ZNF143: variants seen among roughly 807,000 people sequenced by gnomAD.
ZNF143 encodes the protein SPH-binding factor.
In ZNF143, 49 loss-of-function variants were observed where a neutral mutation model predicts 74.1. The ratio of observed to expected loss-of-function variants is 0.66; its 90% CI spans 0.53 to 0.84. The LOEUF (loss-of-function observed/expected upper bound fraction) is 0.84, where lower values mean the gene tolerates loss of function less well. Ranked by LOEUF, ZNF143 falls within the 40% of genes least tolerant of loss-of-function variation. The probability of loss-of-function intolerance (pLI) is 0.00; values close to 1 mark genes in which losing one functional copy is unlikely to be tolerated. For missense variants in ZNF143, 637 were observed against 793.4 expected (o/e 0.80, Z 2.37); for synonymous variants, 304 against 282.8 (o/e 1.07, Z -0.75).
At chr11:9,484,016 G>A (rs1847356885) in intron 7 of ZNF143, among the ~76,000 whole-genome samples, 1 of 151,476 alleles carries the variant, frequency 6.6e-6, no homozygotes, top group South Asian at 2.1e-4. Context: ...CCAAAGTGCT[G>A]GGATTACAGG....
At position 9,470,663 on chromosome 11, in the gene ZNF143, A is replaced by G. The variant is rs570778687; in HGVS notation, c.-7-639A>G. Reference sequence around the variant, plus strand: ...GGTGAGTAGTAGGAAATGAGGGGCAAGATCATTGGCCTCATTGATCAGTGT... The same window carrying G: ...GGTGAGTAGTAGGAAATGAGGGGCAGGATCATTGGCCTCATTGATCAGTGT... On this transcript the variant is annotated intron_variant, in intron 1 of 15. Coordinates refer to ENST00000396602, the MANE Select transcript of ZNF143 (RefSeq NM_003442.6). 4.6e-4 allele frequency among the ~76,000 whole-genome samples: 70 copies of G among 152,324 alleles called. 1 individual carries two copies. In the South Asian group the frequency reaches 0.014, roughly 31 times the overall value.
intron 11 of ZNF143, among the ~76,000 whole-genome samples, chr11:9,501,482 CAT>C (rs1848155958): frequency 6.6e-6 from 1 of 152,146 alleles, no homozygotes; most frequent in African/African-American, 2.4e-5. Context: ...AGGCATCAAA[CAT>C]AGAGAGATAA....
intron 11 of ZNF143, among the ~76,000 whole-genome samples, chr11:9,502,523 C>T (rs1456864523): frequency 1.3e-5 from 2 of 149,198 alleles, no homozygotes; most frequent in Non-Finnish European, 3.0e-5. Context: ...GGCAGGAGAA[C>T]AGCATGAACC....
intron 1 of ZNF143, among the ~76,000 whole-genome samples, chr11:9,465,601 A>G (rs1401330978): frequency 7.0e-6 from 1 of 143,870 alleles, no homozygotes; most frequent in East Asian, 2.1e-4. Flanking sequence ...CCAGGTTCAC[A>G]CCATTCTCCT....
chr11:9,519,137 A>C (rs1248062343), intron 14 of ZNF143, among the ~76,000 whole-genome samples: 1 of 152,184 alleles, frequency 6.6e-6, no homozygotes, highest in Non-Finnish European at 1.5e-5. Flanking sequence ...TCACGCTAGA[A>C]AGTTACCTTG....
At chr11:9,507,524 C>A (rs1047451661) in intron 11 of ZNF143, among the ~76,000 whole-genome samples, 1 of 152,184 alleles carries the variant, frequency 6.6e-6, no homozygotes, top group African/African-American at 2.4e-5. Flanking sequence ...TGCAATTCTT[C>A]CCCTCACTCT....
At chr11:9,497,905 A>G in intron 10 of ZNF143, 105 bp downstream of exon 10, 1 of 874,934 alleles carries the variant, frequency 1.1e-6, no homozygotes, top group Non-Finnish European at 1.6e-6. Context: ...ATCTTGGCTC[A>G]CTGCAAGCTC....
At chr11:9,506,307 T>C (rs1213900609) in intron 11 of ZNF143, among the ~76,000 whole-genome samples, 2 of 152,194 alleles carry the variant, frequency 1.3e-5, no homozygotes, top group South Asian at 2.1e-4. Context: ...ACTTCCAGCA[T>C]GGGTGACAGA....
At chr11:9,524,938 G>A (rs370040810) in intron 14 of ZNF143, among the ~76,000 whole-genome samples, 2 of 152,290 alleles carry the variant, frequency 1.3e-5, no homozygotes, top group African/African-American at 4.8e-5. Context: ...TTCCCAAGCA[G>A]TCACTTAGGG....
At chr11:9,507,734 G>A (rs894230781) in intron 11 of ZNF143, among the ~76,000 whole-genome samples, 8 of 152,164 alleles carry the variant, frequency 5.3e-5, no homozygotes, top group African/African-American at 1.7e-4. Context: ...GATATTTTGT[G>A]ATATTAAGTA....
At chr11:9,501,359 C>A in intron 11 of ZNF143, 89 bp downstream of exon 11, 2 of 1,435,832 alleles carry the variant, frequency 1.4e-6, no homozygotes, top group Non-Finnish European at 1.9e-6. Flanking sequence ...CTAATCTCTT[C>A]CCTCCTTTCT....
chr11:9,486,451 A>ATATAT (rs1847550953), intron 7 of ZNF143, among the ~76,000 whole-genome samples: 1 of 69,992 alleles, frequency 1.4e-5, no homozygotes, highest in Non-Finnish European at 2.8e-5. Flanking sequence ...TATATTATAT[A>ATATAT]TATTATATAT....
chr11:9,526,989 A>G (rs564815554), intron 15 of ZNF143, among the ~76,000 whole-genome samples: 19 of 151,838 alleles, frequency 1.3e-4, no homozygotes, highest in African/African-American at 4.3e-4. Flanking sequence ...CACGCCCAGC[A>G]ATTTTTTTTT....
intron 15 of ZNF143, 141 bp downstream of exon 15, chr11:9,525,527 CGGTGTATTTGA>C (rs1849094705): frequency 8.7e-7 from 1 of 1,149,420 alleles, no homozygotes; most frequent in Admixed American, 2.0e-5. Flanking sequence ...TTAAGGAAAT[CGGTGTATTTGA>C]GGTGGACTCA....
intron 1 of ZNF143, chr11:9,461,965 G>A (rs1409077672): frequency 1.3e-5 from 2 of 152,232 alleles, no homozygotes; most frequent in East Asian, 3.8e-4. Context: ...AGAAATTGTA[G>A]GTTCGAGATT....
chr11:9,490,999 T>C (rs1341382900), intron 7 of ZNF143, among the ~76,000 whole-genome samples: 1 of 152,238 alleles, frequency 6.6e-6, no homozygotes, highest in African/African-American at 2.4e-5. Flanking sequence ...TCCTAAAGTG[T>C]TGGAATTGTA....
intron 11 of ZNF143, among the ~76,000 whole-genome samples, chr11:9,508,358 A>G (rs1221538335): frequency 1.3e-5 from 2 of 152,242 alleles, no homozygotes; most frequent in African/African-American, 4.8e-5. Context: ...ACTGGGCAAC[A>G]TCTCCATCCT....
rs57169874 is a variant in ZNF143, at chr11:9,501,925, C to CTTTTTTTT, written c.1147+676_1147+683dup. On this transcript the variant is annotated intron_variant, in intron 11 of 15. Coordinates refer to ENST00000396602, the MANE Select transcript of ZNF143 (RefSeq NM_003442.6). The stretch of plus-strand genomic sequence containing the variant: ...GGGCGGGGTGGTCTATGGATATATT[C>CTTTTTTTT]TTTTTTTTTTTTTTTTTTTTTTTTT... Among the ~76,000 whole-genome samples the CTTTTTTTT allele has an allele frequency of 2.9e-4, 11 of 37,436 alleles. 2 individuals carry two copies. The highest frequency in any genetic ancestry group is 4.6e-4 in the African/African-American group (4 of 8,768). The allele number at this position is 37,436 out of a possible 152,430, so 24.6% of individuals were successfully genotyped here. A position where few individuals can be genotyped will look rare whatever the true frequency, so the allele number is the denominator to read the frequency against.
intron 14 of ZNF143, among the ~76,000 whole-genome samples, chr11:9,516,849 G>T (rs760132842): frequency 1.3e-4 from 20 of 152,064 alleles, no homozygotes; most frequent in Non-Finnish European, 2.8e-4. Flanking sequence ...TATTCTTCCA[G>T]TCATTAAGCA....
Sources: gnomAD v4.1 joint callset for allele counts (sites outside exome capture counted in the v4.1 genomes callset) on GRCh38, gnomAD v4.1.1 for gene constraint, MANE v1.5 for transcripts, NCBI Gene and HGNC (gene_info 2026-07-23, HGNC 2026-07-21) for gene names.